PAX3: variants seen among roughly 807,000 people sequenced by gnomAD.
PAX3 encodes the protein paired box 3, also known as paired box protein Pax-3.
PAX3 carries 14 observed loss-of-function variants against 51.6 expected under a neutral mutation model. The ratio of observed to expected loss-of-function variants is 0.27; its 90% confidence interval spans 0.18 to 0.42. The LOEUF (loss-of-function observed/expected upper bound fraction) is 0.42, where lower values mean the gene tolerates loss of function less well. Ranked by LOEUF, PAX3 falls within the 10% of genes least tolerant of loss-of-function variation. The pLI is 1.00. For missense variants in PAX3, 540 were observed against 642.8 expected (o/e 0.84, Z 1.73); for synonymous variants, 280 against 253.4 (o/e 1.11, Z -1.00).
intron 4 of PAX3, among the ~76,000 whole-genome samples, chr2:222,234,183 A>G (rs981576552): frequency 5.3e-5 from 8 of 152,210 alleles, no homozygotes; most frequent in Non-Finnish European, 1.2e-4. Context: ...TAATAATGCA[A>G]GTGATAATTT....
At chr2:222,227,777 G>A (rs924603822) in intron 5 of PAX3, among the ~76,000 whole-genome samples, 7 of 150,694 alleles carry the variant, frequency 4.6e-5, no homozygotes, top group South Asian at 4.2e-4. Context: ...GCAAATAGTC[G>A]TTAGTATACA....
At chr2:222,275,877 G>T (rs928735630) in intron 4 of PAX3, among the ~76,000 whole-genome samples, 2 of 152,200 alleles carry the variant, frequency 1.3e-5, no homozygotes, top group African/African-American at 4.8e-5. Flanking sequence ...TTTTAAATAT[G>T]TGAGTGTATA....
At chr2:222,208,699 A>G (rs1487412453) in intron 7 of PAX3, among the ~76,000 whole-genome samples, 1 of 152,180 alleles carries the variant, frequency 6.6e-6, no homozygotes, top group Non-Finnish European at 1.5e-5. Flanking sequence ...TTCAAAATCC[A>G]GTCTGAGAAC....
intron 4 of PAX3, among the ~76,000 whole-genome samples, chr2:222,237,909 T>C (rs1692860374): frequency 1.3e-5 from 2 of 152,174 alleles, no homozygotes; most frequent in Admixed American, 1.3e-4. Flanking sequence ...CATATCAGGA[T>C]ATTCTCAGGT....
chr2:222,209,481 C>G (rs1691635989), intron 7 of PAX3, among the ~76,000 whole-genome samples: 1 of 151,852 alleles, frequency 6.6e-6, no homozygotes, highest in Non-Finnish European at 1.5e-5. Context: ...TTGCAAAAGT[C>G]TAAGAATGAA....
chr2:222,256,316 C>T (rs926452681), intron 4 of PAX3, among the ~76,000 whole-genome samples: 2 of 152,090 alleles, frequency 1.3e-5, no homozygotes, highest in Non-Finnish European at 1.5e-5. Flanking sequence ...CCAGCCAGCC[C>T]GGCAGACAGT....
At chr2:222,227,239 G>A (rs903074019) in intron 5 of PAX3, among the ~76,000 whole-genome samples, 1 of 152,068 alleles carries the variant, frequency 6.6e-6, no homozygotes, top group Non-Finnish European at 1.5e-5. Context: ...GGTAAAACAG[G>A]ATGTTACTTG....
rs193008386 is a variant in PAX3 at position 222,200,321 on chromosome 2, C to G, written c.*1087G>C. ...GTACATGAGAGCCATGTGAACACTT[C>G]TGTTCTTGCCCTGCCTTTCATAGAA... is the stretch of plus-strand genomic sequence containing the variant. On this transcript the variant is annotated 3_prime_UTR_variant, in exon 9 of 9. Transcript: ENST00000392070. The G allele has an allele frequency of 1.5e-3, 335 of 220,550 alleles. No homozygotes were observed. The highest frequency in any genetic ancestry group is 2.5e-3 in the Admixed American group (43 of 17,284). The allele number at this position is 220,550 out of a possible 1,614,324, so 13.7% of individuals were successfully genotyped here.
At chr2:222,216,512 A>T (rs140380595) in intron 7 of PAX3, among the ~76,000 whole-genome samples, 1 of 152,294 alleles carries the variant, frequency 6.6e-6, no homozygotes, top group African/African-American at 2.4e-5. Flanking sequence ...AGCTCTGACC[A>T]TCTGGACAGG....
rs1423151648 is a variant in PAX3, at chr2:222,200,705, C to T, written c.*703G>A. ...CCTCTCCCCACACAGGAAAGGGAAA[C>T]AAGTCCTTCTTCCTGGTAGCCCATA... On this transcript the variant is annotated 3_prime_UTR_variant, in exon 9 of 9. Coordinates refer to ENST00000392070, the MANE Select transcript of PAX3 (RefSeq NM_181458.4). The T allele has an allele frequency of 2.3e-5, 6 of 261,636 alleles. No individual in the cohort carries two copies. The highest frequency in any genetic ancestry group is 4.8e-5 in the Admixed American group (1 of 20,950). 16.2% of individuals were successfully genotyped at this position (261,636 alleles called of 1,614,324 possible).
intron 4 of PAX3, among the ~76,000 whole-genome samples, chr2:222,292,128 A>T (rs1018160219): frequency 6.6e-6 from 1 of 152,016 alleles, no homozygotes; most frequent in Non-Finnish European, 1.5e-5. Context: ...GACTAGAAAC[A>T]TTTTGTAGGT....
chr2:222,270,133 C>A (rs1051709286), intron 4 of PAX3, among the ~76,000 whole-genome samples: 1 of 152,188 alleles, frequency 6.6e-6, no homozygotes, highest in Non-Finnish European at 1.5e-5. Context: ...CAGCTCAAAT[C>A]ATAAATGATT....
chr2:222,281,960 T>A (rs1405548360), intron 4 of PAX3, among the ~76,000 whole-genome samples: 2 of 152,164 alleles, frequency 1.3e-5, no homozygotes, highest in East Asian at 3.8e-4. Context: ...AGAAAATGCA[T>A]CCTCCTGCCT....
chr2:222,250,264 G>C (rs1693377259), intron 4 of PAX3, among the ~76,000 whole-genome samples: 1 of 152,024 alleles, frequency 6.6e-6, no homozygotes, highest in African/African-American at 2.4e-5. Flanking sequence ...TATTACTTTT[G>C]TGCAATGGAA....
chr2:222,298,465 G>A (rs1240231703), intron 1 of PAX3, 66 bp downstream of exon 1: 8 of 1,349,748 alleles, frequency 5.9e-6, no homozygotes, highest in Admixed American at 2.0e-5. Flanking sequence ...GCGGAGCCTG[G>A]GGATGGGGTG....
Position 222,235,065 on chromosome 2 carries a change from G to A in PAX3, c.587-2782C>T, listed in dbSNP as rs377083309. Reference sequence around the variant, plus strand: ...GTGGAAATTTTCATGTTTCCTTTGGGAGTCTCTGGGGTTATTAAATTCTTT... The same window carrying A: ...GTGGAAATTTTCATGTTTCCTTTGGAAGTCTCTGGGGTTATTAAATTCTTT... On this transcript the variant is annotated intron_variant, in intron 4 of 8. Coordinates refer to ENST00000392070, the MANE Select transcript of PAX3 (RefSeq NM_181458.4). Among the ~76,000 whole-genome samples the A allele has an allele frequency of 5.3e-5, 8 of 152,130 alleles. No individual in the cohort carries two copies. The East Asian group carries it at 1.3e-3, about 26-fold the overall frequency.
intron 5 of PAX3, 79 bp downstream of exon 5, chr2:222,231,999 A>G (rs1692614508): frequency 7.6e-7 from 1 of 1,320,554 alleles, no homozygotes; most frequent in African/African-American, 1.4e-5. Flanking sequence ...GGGGGGATTG[A>G]CATATGTTTT....
intron 7 of PAX3, among the ~76,000 whole-genome samples, chr2:222,213,159 T>C (rs1464075003): frequency 6.6e-6 from 1 of 152,178 alleles, no homozygotes; most frequent in Non-Finnish European, 1.5e-5. Flanking sequence ...GGGTGCTACA[T>C]TCTCCCTTTC....
rs545342174 is a variant in PAX3, at chr2:222,213,009, T to C, written c.1173+7131A>G. On this transcript the variant is annotated intron_variant, in intron 7 of 8. Transcript: ENST00000392070. ...AAAAAGAAAACACGAGGTTGTTGCA[T>C]TTGATTTGTCCAATGTACAGGAGAA... Among the ~76,000 whole-genome samples, 13 of 152,314 alleles carry C rather than the reference T, an allele frequency of 8.5e-5. No homozygotes were observed. The South Asian group carries it at 2.7e-3, about 32-fold the overall frequency.
Sources: allele counts gnomAD v4.1 joint callset (sites outside exome capture counted in the v4.1 genomes callset), GRCh38; gene constraint gnomAD v4.1.1; transcripts MANE v1.5; gene names NCBI Gene and HGNC (gene_info 2026-07-23, HGNC 2026-07-21).